The following TBC1D5 variants were observed in gnomAD, a reference collection of about 807,000 sequenced individuals.
TBC1D5 encodes the protein TBC1 domain family, member 5.
Under a neutral mutation model 100.3 loss-of-function variants are expected in TBC1D5, and 75 were observed. The observed-to-expected ratio is 0.75, with a 90% CI of 0.62 to 0.91. The LOEUF is 0.91. Among genes scored for constraint, TBC1D5 ranks in the 40% least tolerant of loss-of-function variants. The probability of loss-of-function intolerance (pLI) is 0.00; values close to 1 mark genes in which losing one functional copy is unlikely to be tolerated. For missense variants in TBC1D5, 910 were observed against 942.4 expected (o/e 0.97, Z 0.45); for synonymous variants, 323 against 325.6 (o/e 0.99, Z 0.09).
intron 2 of TBC1D5, among the ~76,000 whole-genome samples, chr3:17,622,386 T>G (rs183376612): frequency 6.6e-6 from 1 of 152,224 alleles, no homozygotes; most frequent in Non-Finnish European, 1.5e-5. Context: ...AATGTCTGCA[T>G]GTGTAGCCCC....
chr3:17,321,561 G>A (rs1267814365), intron 13 of TBC1D5, among the ~76,000 whole-genome samples: 1 of 151,792 alleles, frequency 6.6e-6, no homozygotes, highest in African/African-American at 2.4e-5. Context: ...ATTTCTTTTT[G>A]TTTAGTAGCT....
At chr3:17,408,693 A>C (rs189676540) in intron 4 of TBC1D5, among the ~76,000 whole-genome samples, 85 of 152,216 alleles carry the variant, frequency 5.6e-4, no homozygotes, top group Non-Finnish European at 1.1e-3. Flanking sequence ...TAAAGAGAAA[A>C]GTTTTTCATA....
At chr3:17,531,857 T>G (rs955341119) in intron 2 of TBC1D5, among the ~76,000 whole-genome samples, 1 of 152,176 alleles carries the variant, frequency 6.6e-6, no homozygotes. Flanking sequence ...AAGATTTACA[T>G]GTTAGACCTA....
intron 13 of TBC1D5, among the ~76,000 whole-genome samples, chr3:17,344,778 C>G (rs2089609003): frequency 1.3e-5 from 2 of 152,142 alleles, no homozygotes; most frequent in South Asian, 4.1e-4. Context: ...CTACAACTAT[C>G]TGATCTTTGA....
At chr3:17,201,217 C>T (rs944139488) in intron 18 of TBC1D5, among the ~76,000 whole-genome samples, 1 of 152,130 alleles carries the variant, frequency 6.6e-6, no homozygotes, top group Non-Finnish European at 1.5e-5. Flanking sequence ...TCCCCAACTT[C>T]ACCCTCTTTC....
chr3:17,336,078 T>A (rs2151276014), intron 13 of TBC1D5, among the ~76,000 whole-genome samples: 1 of 152,232 alleles, frequency 6.6e-6, no homozygotes, highest in Admixed American at 6.5e-5. Context: ...GTGACATATT[T>A]AATCCCCTAG....
chr3:17,307,864 A>G, intron 14 of TBC1D5, 128 bp downstream of exon 14: 1 of 1,188,200 alleles, frequency 8.4e-7, no homozygotes. Context: ...ATTTCAGTAT[A>G]TTACCCTACT....
At chr3:17,413,649 G>A (rs930731170) in intron 4 of TBC1D5, among the ~76,000 whole-genome samples, 1 of 152,082 alleles carries the variant, frequency 6.6e-6, no homozygotes, top group Non-Finnish European at 1.5e-5. Flanking sequence ...TAACCTACAT[G>A]ATGACTAATA....
At chr3:17,373,739 G>T (rs910280137) in intron 12 of TBC1D5, among the ~76,000 whole-genome samples, 3 of 152,020 alleles carry the variant, frequency 2.0e-5, no homozygotes, top group Non-Finnish European at 4.4e-5. Context: ...TAAGTGAAAG[G>T]AGTCAGTCAC....
intron 8 of TBC1D5, among the ~76,000 whole-genome samples, chr3:17,390,049 A>C (rs2093304448): frequency 6.6e-6 from 1 of 152,192 alleles, no homozygotes; most frequent in Admixed American, 6.5e-5. Flanking sequence ...ATGGATACTT[A>C]CTGCAGACAT....
chr3:17,391,089 G>A (rs1399194177), intron 8 of TBC1D5, among the ~76,000 whole-genome samples: 2 of 152,030 alleles, frequency 1.3e-5, no homozygotes, highest in African/African-American at 4.8e-5. Context: ...TCTAGTAGAC[G>A]GAATGAAAAA....
At chr3:17,698,632 G>A (rs199606449) in intron 1 of TBC1D5, among the ~76,000 whole-genome samples, 1,581 of 145,202 alleles carry the variant, frequency 0.011, 15 homozygotes, top group South Asian at 0.031. Flanking sequence ...GAAAATTTTC[G>A]CAACCTACTC....
At chr3:17,729,141 G>T (rs1023020080) in intron 1 of TBC1D5, among the ~76,000 whole-genome samples, 1 of 150,634 alleles carries the variant, frequency 6.6e-6, no homozygotes, top group African/African-American at 2.4e-5. Context: ...CAAAAACAAT[G>T]ATTTACAACA....
intron 1 of TBC1D5, among the ~76,000 whole-genome samples, chr3:17,646,038 T>C (rs1443575327): frequency 2.6e-5 from 4 of 152,066 alleles, no homozygotes; most frequent in African/African-American, 7.2e-5. Context: ...TATTCAGAAA[T>C]AGGGTCTTTA....
intron 14 of TBC1D5, among the ~76,000 whole-genome samples, chr3:17,295,341 T>G (rs138092172): frequency 2.2e-4 from 33 of 152,326 alleles, no homozygotes; most frequent in Non-Finnish European, 3.5e-4. Context: ...GCTTACTCTA[T>G]CTACAGGGTT....
intron 2 of TBC1D5, among the ~76,000 whole-genome samples, chr3:17,519,264 T>G (rs2096033640): frequency 6.6e-6 from 1 of 152,208 alleles, no homozygotes; most frequent in Non-Finnish European, 1.5e-5. Context: ...CAGAGCTTTT[T>G]CCTAATGTCA....
intron 4 of TBC1D5, among the ~76,000 whole-genome samples, chr3:17,412,859 G>A (rs2093970443): frequency 6.6e-6 from 1 of 152,166 alleles, no homozygotes; most frequent in Admixed American, 6.6e-5. Context: ...AGGGAAACAT[G>A]ATTCTCCAGA....
intron 15 of TBC1D5, among the ~76,000 whole-genome samples, chr3:17,275,403 G>A (rs1197409839): frequency 6.6e-6 from 1 of 152,054 alleles, no homozygotes; most frequent in Non-Finnish European, 1.5e-5. Context: ...TTAGCCAGGT[G>A]TAGTGGTGCA....
intron 13 of TBC1D5, among the ~76,000 whole-genome samples, chr3:17,354,055 G>T (rs1437542700): frequency 6.6e-6 from 1 of 151,796 alleles, no homozygotes; most frequent in East Asian, 1.9e-4. Flanking sequence ...CATAAAAAAA[G>T]ACACGGTATG....
Sources: gnomAD v4.1 joint callset for allele counts (sites outside exome capture counted in the v4.1 genomes callset) on GRCh38, gnomAD v4.1.1 for gene constraint, MANE v1.5 for transcripts, NCBI Gene and HGNC (gene_info 2026-07-23, HGNC 2026-07-21) for gene names.